Variants in LDLRAP1 observed in about 807,000 individuals in gnomAD.
LDLRAP1 encodes the protein low density lipoprotein receptor adaptor protein 1.
Under a neutral mutation model 37.8 loss-of-function variants are expected in LDLRAP1, and 30 were observed. The observed-to-expected ratio is 0.79, with a 90% confidence interval of 0.59 to 1.08. The LOEUF (loss-of-function observed/expected upper bound fraction) is 1.08. LDLRAP1 is among the 50% of genes least tolerant of loss of function. The pLI is 0.00. For missense variants in LDLRAP1, 375 were observed against 401.6 expected (o/e 0.93, Z 0.57); for synonymous variants, 156 against 169.8 (o/e 0.92, Z 0.63).
intron 8 of LDLRAP1, among the ~76,000 whole-genome samples, chr1:25,566,592 G>T (rs1229651186): frequency 6.6e-6 from 1 of 150,638 alleles, no homozygotes; most frequent in African/African-American, 2.4e-5. Context: ...GGCATGTCCT[G>T]ACTGAGCTGG....
chr1:25,586,575 C>T, the LDLRAP1 span, among the ~76,000 whole-genome samples: 10 of 146,872 alleles, frequency 6.8e-5, no homozygotes, highest in South Asian at 2.1e-4. The surrounding 1 kb of genome is among the most constrained non-coding windows in gnomAD (Gnocchi z 4.3). Flanking sequence ...CGTGTGTGTG[C>T]GTGTGCGCGC....
Position 25,543,607 on chromosome 1 carries a change from G to T in LDLRAP1, c.-92G>T, listed in dbSNP as rs575569789. On this transcript the variant is annotated 5_prime_UTR_variant, in exon 1 of 9. Coordinates refer to ENST00000374338, the MANE Select transcript of LDLRAP1 (RefSeq NM_015627.3). ...GGCGGAGCTGGCGCTGGGAGGGGAGGAGCGCGCAGCCCGCGCGCCGCAGGG... is the reference window on the plus strand; with the variant it reads ...GGCGGAGCTGGCGCTGGGAGGGGAGTAGCGCGCAGCCCGCGCGCCGCAGGG... 463 of 902,332 alleles carry T rather than the reference G, an allele frequency of 5.1e-4. 2 individuals carry two copies. The highest frequency in any genetic ancestry group is 6.3e-4 in the Non-Finnish European group (441 of 697,624). 55.9% of individuals were successfully genotyped at this position (902,332 alleles called of 1,614,324 possible).
In LDLRAP1 at chr1:25,553,937, G is replaced by A. The variant is rs2124663461; in HGVS notation, c.104G>A (p.Trp35Ter). 6.2e-7 allele frequency: 1 copy of A among 1,613,930 alleles called. No individual in the cohort carries two copies. Among genetic ancestry groups the A allele is most frequent in the Non-Finnish European group, 8.5e-7 (1 of 1,179,976 alleles). ...GGRHRKLPEN[W>*]TDTRETLLEG... is the part of the protein sequence containing the mutation. ...GCTACCCCAGAGCTGCCTGAGAACT[G>A]GACAGACACGCGGGAGACGCTGCTG... Residue 35 changes from tryptophan to a stop codon, truncating the protein, a stop_gained, in exon 2 of 9, where the codon TGG becomes TAG. Coordinates refer to ENST00000374338, the MANE Select transcript of LDLRAP1 (RefSeq NM_015627.3). LOFTEE classifies it high-confidence loss of function.
the LDLRAP1 span, among the ~76,000 whole-genome samples, chr1:25,589,973 C>T: frequency 1.3e-5 from 2 of 152,160 alleles, no homozygotes; most frequent in South Asian, 2.1e-4. Flanking sequence ...CATGGTGGCA[C>T]GCGCCTGTAG....
chr1:25,557,314 A>G (rs768449757), intron 4 of LDLRAP1, 47 bp downstream of exon 4: 31 of 1,480,196 alleles, frequency 2.1e-5, no homozygotes, highest in Non-Finnish European at 2.8e-5. Context: ...TGGCCTTGGC[A>G]GCCTTGCTCT....
chr1:25,549,237 A>G (rs534450938), intron 1 of LDLRAP1, among the ~76,000 whole-genome samples: 2 of 152,244 alleles, frequency 1.3e-5, no homozygotes, highest in East Asian at 3.9e-4. Flanking sequence ...AAGCAGCTAC[A>G]CTCCAGGTCA....
At chr1:25,557,565 T>TCTC in intron 4 of LDLRAP1, 1 of 470,918 alleles carries the variant, frequency 2.1e-6, no homozygotes, top group East Asian at 4.0e-5. Flanking sequence ...TTGTTTTGGA[T>TCTC]CTCCTGTCTT....
rs74425832 is a variant in LDLRAP1 at position 25,550,025 on chromosome 1, A to G, written c.89-3897A>G. ...CATGCCAGGTCCTGGGGAAGCAGACATGAATGGCAGGTACTTTAAAGGGAA... is the reference window on the plus strand; with the variant it reads ...CATGCCAGGTCCTGGGGAAGCAGACGTGAATGGCAGGTACTTTAAAGGGAA... On this transcript the variant is annotated intron_variant, in intron 1 of 8. Transcript: ENST00000374338. The G allele has an allele frequency of 0.064, 9,718 of 152,462 alleles. 969 individuals are homozygous for G. The highest frequency in any genetic ancestry group is 0.21 in the African/African-American group (8,853 of 41,486). The allele number at this position is 152,462 out of a possible 1,614,324, so 9.4% of individuals were successfully genotyped here.
the LDLRAP1 span, among the ~76,000 whole-genome samples, chr1:25,579,685 A>G: frequency 6.6e-6 from 1 of 152,192 alleles, no homozygotes; most frequent in Non-Finnish European, 1.5e-5. Context: ...TCTTCGTGCC[A>G]TTCATGTGTT....
chr1:25,589,877 C>T, the LDLRAP1 span, among the ~76,000 whole-genome samples: 21 of 152,194 alleles, frequency 1.4e-4, no homozygotes, highest in African/African-American at 3.9e-4. Flanking sequence ...CCGAGGCGAG[C>T]GGATCATGAG....
chr1:25,563,111 G>A lies in LDLRAP1; in HGVS notation c.574G>A (p.Val192Ile), dbSNP rs901050187. The A allele has an allele frequency of 7.4e-6, 12 of 1,613,924 alleles. No individual in the cohort carries two copies. The highest frequency in any genetic ancestry group is 6.7e-5 in the East Asian group (3 of 44,878). Reference sequence around the variant, plus strand: ...CAAAGCCAGCCAAGAGGGAGGGGACGTCCTGGGGGCCCGCCAAGACTGCAC... The same window carrying A: ...CAAAGCCAGCCAAGAGGGAGGGGACATCCTGGGGGCCCGCCAAGACTGCAC... Reference protein sequence around the residue: ...RDKASQEGGDVLGARQDCTPS... With the variant: ...RDKASQEGGDILGARQDCTPS... The change falls in exon 6 of 9, where the codon GTC becomes ATC. Residue 192 changes from valine (V) to isoleucine (I), a missense_variant. Transcript: ENST00000374338.
At chr1:25,580,028 A>G in the LDLRAP1 span, among the ~76,000 whole-genome samples, 1 of 152,218 alleles carries the variant, frequency 6.6e-6, no homozygotes, top group Non-Finnish European at 1.5e-5. Flanking sequence ...AAAGACACCA[A>G]GGAGCTCAGG....
intron 3 of LDLRAP1, 84 bp from the exon 4 acceptor site, chr1:25,557,069 C>A: frequency 1.0e-6 from 1 of 995,596 alleles, no homozygotes; most frequent in Non-Finnish European, 1.6e-6. Context: ...TTCTCTGCAA[C>A]TCAGGGGAGC....
chr1:25,549,637 G>A (rs1231520207), intron 1 of LDLRAP1, among the ~76,000 whole-genome samples: 2 of 152,234 alleles, frequency 1.3e-5, no homozygotes, highest in Non-Finnish European at 2.9e-5. Context: ...AACTAGGACC[G>A]GAACAGGGCT....
intron 4 of LDLRAP1, among the ~76,000 whole-genome samples, chr1:25,558,816 G>A (rs371272282): frequency 2.4e-4 from 37 of 152,258 alleles, no homozygotes; most frequent in South Asian, 1.9e-3. Context: ...CAGCATTCAC[G>A]GGTCTCAGGG....
chr1:25,562,574 C>A, intron 4 of LDLRAP1, 70 bp from the exon 5 acceptor site: 3 of 1,315,546 alleles, frequency 2.3e-6, no homozygotes, highest in Admixed American at 1.7e-5. Flanking sequence ...GAGGCCCCAG[C>A]CCTCCAGTGC....
In LDLRAP1 at chr1:25,550,252, G is replaced by A. The variant is rs1376035597; in HGVS notation, c.89-3670G>A. Among the ~76,000 whole-genome samples the A allele has an allele frequency of 2.6e-5, 4 of 152,312 alleles. No individual in the cohort carries two copies. In the East Asian group the frequency reaches 5.8e-4, roughly 22 times the overall value. ...GTCACAACAGCCCCCAGGAGTCAGAGCTGTTGTTTCCCCCATTTTAAAGAT... is the reference window on the plus strand; with the variant it reads ...GTCACAACAGCCCCCAGGAGTCAGAACTGTTGTTTCCCCCATTTTAAAGAT... On this transcript the variant is annotated intron_variant, in intron 1 of 8. Coordinates refer to ENST00000374338, the MANE Select transcript of LDLRAP1 (RefSeq NM_015627.3).
At chr1:25,561,130 G>A (rs1296797218) in intron 4 of LDLRAP1, among the ~76,000 whole-genome samples, 1 of 152,250 alleles carries the variant, frequency 6.6e-6, no homozygotes, top group Non-Finnish European at 1.5e-5. Context: ...GCCACATTGG[G>A]TGTCCAGCCC....
the LDLRAP1 span, among the ~76,000 whole-genome samples, chr1:25,589,332 T>G: frequency 5.5e-4 from 71 of 129,992 alleles, no homozygotes; most frequent in African/African-American, 1.8e-3. Context: ...AAGAAAGAAA[T>G]ATATCAAGGG....
Sources: allele counts gnomAD v4.1 joint callset (sites outside exome capture counted in the v4.1 genomes callset), GRCh38; gene constraint gnomAD v4.1.1; non-coding constraint Gnocchi (gnomAD v3.1); transcripts MANE v1.5; gene names NCBI Gene and HGNC (gene_info 2026-07-23, HGNC 2026-07-21).